PITPNA: variants seen among roughly 807,000 people sequenced by gnomAD.
PITPNA encodes the protein phosphatidylinositol transfer protein alpha.
Under a neutral mutation model 50.3 loss-of-function variants are expected in PITPNA, and 13 were observed. That is an observed-to-expected ratio of 0.26 (90% confidence interval 0.17 to 0.41). PITPNA has a LOEUF of 0.41. Among genes scored for constraint, PITPNA ranks in the 10% least tolerant of loss-of-function variants. The probability of loss-of-function intolerance (pLI) is 1.00; values close to 1 mark genes in which losing one functional copy is unlikely to be tolerated. For missense variants in PITPNA, 207 were observed against 333.4 expected, an observed-to-expected ratio of 0.62 and a Z score of 2.95; for synonymous variants, 120 against 119.6, an observed-to-expected ratio of 1.00 and a Z score of -0.02.
At chr17:1,531,149 G>A (rs1395037049) in intron 10 of PITPNA, among the ~76,000 whole-genome samples, 1 of 152,206 alleles carries the variant, frequency 6.6e-6, no homozygotes, top group East Asian at 1.9e-4. Flanking sequence ...GGCAGAATAC[G>A]ACGGAATTAA....
chr17:1,552,253 T>A (rs1421734562), intron 3 of PITPNA, among the ~76,000 whole-genome samples: 1 of 152,246 alleles, frequency 6.6e-6, no homozygotes, highest in Non-Finnish European at 1.5e-5. Flanking sequence ...GTGTACTTTA[T>A]CACAATTTTT....
intron 10 of PITPNA, among the ~76,000 whole-genome samples, chr17:1,525,340 G>A (rs1049706982): frequency 1.3e-5 from 2 of 151,892 alleles, no homozygotes; most frequent in African/African-American, 2.4e-5. Context: ...TTATTCTTTC[G>A]TTCCAGACAC....
Position 1,535,034 on chromosome 17 carries a change from A to T in PITPNA, c.645+148T>A, listed in dbSNP as rs1286083613. ...CTCAGCCGAGCTACTTACCTTATGG[A>T]TGAAGTTCTCCACCACCCCCCACCG... On this transcript the variant is annotated intron_variant, in intron 9 of 11. Coordinates refer to ENST00000313486, the MANE Select transcript of PITPNA (RefSeq NM_006224.4). 3.0e-5 allele frequency: 19 copies of T among 626,106 alleles called. 1 individual carries two copies. The Admixed American group carries it at 5.1e-4, about 17-fold the overall frequency. The allele number at this position is 626,106 out of a possible 1,614,324, so 38.8% of individuals were successfully genotyped here.
chr17:1,543,362 G>A (rs3785967), intron 4 of PITPNA, among the ~76,000 whole-genome samples: 3 of 151,362 alleles, frequency 2.0e-5, no homozygotes, highest in South Asian at 2.1e-4. Flanking sequence ...GCATCAGAGC[G>A]TTCTCCGGCG....
chr17:1,548,364 A>G lies in PITPNA; in HGVS notation c.221T>C (p.Met74Thr). The stretch of plus-strand genomic sequence containing the variant: ...ATTCAGGGCTCCCTCTGGGGCCAGC[A>G]TTCGAACAAACGTGGGTACTTTGCT... ...LQSKVPTFVR[M>T]LAPEGALNIH... Residue 74 changes from methionine (M) to threonine (T), a missense_variant, in exon 4 of 12, where the codon ATG (methionine) becomes ACG (threonine). By Grantham distance (81) the Met-to-Thr change is moderately conservative. Coordinates refer to ENST00000313486, the MANE Select transcript of PITPNA (RefSeq NM_006224.4). 3 of 1,608,032 alleles carry G rather than the reference A, an allele frequency of 1.9e-6. No homozygotes were observed. Among genetic ancestry groups the G allele is most frequent in the Non-Finnish European group, 2.5e-6 (3 of 1,177,466 alleles).
intron 1 of PITPNA, among the ~76,000 whole-genome samples, chr17:1,561,447 T>G (rs2075767697): frequency 6.6e-6 from 1 of 152,038 alleles, no homozygotes; most frequent in Non-Finnish European, 1.5e-5. Context: ...CCCATCTCTT[T>G]GCACCAAGAC....
chr17:1,521,346 C>A (rs551434970), intron 11 of PITPNA, among the ~76,000 whole-genome samples: 1 of 145,066 alleles, frequency 6.9e-6, no homozygotes, highest in Non-Finnish European at 1.5e-5. Flanking sequence ...TCTATATCCA[C>A]CACCCCCTCC....
chr17:1,558,582 T>C, intron 1 of PITPNA, 23 bp from the exon 2 acceptor site: 2 of 1,579,826 alleles, frequency 1.3e-6, no homozygotes, highest in East Asian at 2.2e-5. Flanking sequence ...GAAAAGAGAG[T>C]ATCAACTTTA....
chr17:1,539,144 G>A (rs2075634510), intron 6 of PITPNA, among the ~76,000 whole-genome samples, 192 bp from the exon 7 acceptor site: 1 of 152,074 alleles, frequency 6.6e-6, no homozygotes, highest in African/African-American at 2.4e-5. Context: ...AAGAGATGGG[G>A]TCTCACCGTG....
At position 1,552,994 on chromosome 17, in the gene PITPNA, T is replaced by A. The variant is rs764869830; in HGVS notation, c.197+10A>T. ...AGCCAGCATCCGGCCCCGCTGCTCA[T>A]GCCGCATACCTCTGCAGGTGGTAGA... is the stretch of plus-strand genomic sequence containing the variant. On this transcript the variant is annotated intron_variant, in intron 3 of 11. Transcript: ENST00000313486. 7 of 1,613,592 alleles carry A rather than the reference T, an allele frequency of 4.3e-6. No homozygotes were observed. Among genetic ancestry groups the A allele is most frequent in the Admixed American group, 1.7e-5 (1 of 60,022 alleles).
intron 3 of PITPNA, among the ~76,000 whole-genome samples, chr17:1,548,920 G>C (rs943130271): frequency 6.6e-6 from 1 of 152,038 alleles, no homozygotes; most frequent in Non-Finnish European, 1.5e-5. Context: ...TTGTTTGTTT[G>C]AGACGGAGTC....
At chr17:1,552,591 A>T (rs1428928939) in intron 3 of PITPNA, among the ~76,000 whole-genome samples, 1 of 152,186 alleles carries the variant, frequency 6.6e-6, no homozygotes, top group East Asian at 1.9e-4. Context: ...CAATTTTAGG[A>T]ATATTTGCTA....
intron 6 of PITPNA, among the ~76,000 whole-genome samples, chr17:1,540,441 A>G (rs1435996112): frequency 6.6e-6 from 1 of 152,180 alleles, no homozygotes; most frequent in East Asian, 1.9e-4. Context: ...GAAGGGCGGC[A>G]TGCACACACC....
chr17:1,560,454 C>G (rs1218920182), intron 1 of PITPNA, among the ~76,000 whole-genome samples: 1 of 152,092 alleles, frequency 6.6e-6, no homozygotes, highest in African/African-American at 2.4e-5. Context: ...ACGAGTCGGG[C>G]AGGAAGGAAA....
intron 4 of PITPNA, among the ~76,000 whole-genome samples, chr17:1,547,801 C>A (rs555325545): frequency 6.6e-6 from 1 of 152,236 alleles, no homozygotes; most frequent in Non-Finnish European, 1.5e-5. Flanking sequence ...CGAGACCAGC[C>A]TGGGCAACAT....
intron 5 of PITPNA, 53 bp from the exon 6 acceptor site, chr17:1,541,693 A>G (rs1404369847): frequency 8.6e-7 from 1 of 1,164,062 alleles, no homozygotes; most frequent in Non-Finnish European, 1.3e-6. Flanking sequence ...AGTTGAGAGT[A>G]ACCATCTCCC....
intron 7 of PITPNA, among the ~76,000 whole-genome samples, chr17:1,537,546 A>G (rs979264364): frequency 5.3e-5 from 8 of 152,180 alleles, no homozygotes; most frequent in African/African-American, 1.4e-4. Flanking sequence ...AATATTCACC[A>G]TCACTGCTTC....
rs2075502169 is a variant in PITPNA, at chr17:1,520,290, G to C, written c.*271C>G. On this transcript the variant is annotated 3_prime_UTR_variant, in exon 12 of 12. Transcript: ENST00000313486. The stretch of plus-strand genomic sequence containing the variant: ...GAAATGGATCGGAACACAATGGAGA[G>C]AGACGGAGGCGCTGTAACTACAGCA... 6.6e-6 allele frequency: 1 copy of C among 152,590 alleles called. No individual in the cohort carries two copies. Among genetic ancestry groups the C allele is most frequent in the South Asian group, 2.1e-4 (1 of 4,828 alleles). The allele number at this position is 152,590 out of a possible 1,614,324, so 9.5% of individuals were successfully genotyped here. A position where few individuals can be genotyped will look rare whatever the true frequency, so the allele number is the denominator to read the frequency against.
rs768571163 is a variant in PITPNA at position 1,535,290 on chromosome 17, T to C, written c.537A>G (p.Gln179=). The C allele has an allele frequency of 2.5e-6, 4 of 1,609,438 alleles. No homozygotes were observed. Among genetic ancestry groups the C allele is most frequent in the Non-Finnish European group, 3.4e-6 (4 of 1,175,822 alleles). The change falls in exon 9 of 12, where the codon CAA becomes CAG. Residue 179 remains glutamine, a splice_region_variant and synonymous_variant. Transcript: ENST00000313486. ...GRGPLGPNWK[Q]ELVNQKDCPY... Reference sequence around the variant, plus strand: ...GGCAGTCCTTCTGGTTTACAAGCTCTTGCTGCATTAGAAACATACCCATGG... The same window carrying C: ...GGCAGTCCTTCTGGTTTACAAGCTCCTGCTGCATTAGAAACATACCCATGG...
Sources: gnomAD v4.1 joint callset for allele counts (sites outside exome capture counted in the v4.1 genomes callset) on GRCh38, gnomAD v4.1.1 for gene constraint, MANE v1.5 for transcripts, NCBI Gene and HGNC (gene_info 2026-07-23, HGNC 2026-07-21) for gene names.